Variants in RBM19 observed in about 807,000 individuals in gnomAD.
The protein encoded by RBM19 is probable RNA-binding protein 19.
Under a neutral mutation model 116.8 loss-of-function variants are expected in RBM19, and 94 were observed. The observed-to-expected ratio is 0.80, with a 90% CI of 0.68 to 0.95. The LOEUF (loss-of-function observed/expected upper bound fraction) is 0.95, where lower values mean the gene tolerates loss of function less well. Among genes scored for constraint, RBM19 ranks in the 40% least tolerant of loss-of-function variants. RBM19 has a pLI of 0.00. For synonymous variants in RBM19, 475 were observed against 494.1 expected, an observed-to-expected ratio of 0.96 and a Z score of 0.51; for missense variants, 1,161 against 1,220.7, an observed-to-expected ratio of 0.95 and a Z score of 0.73.
At chr12:113,925,471 G>A (rs1868983779) in intron 17 of RBM19, among the ~76,000 whole-genome samples, 1 of 152,194 alleles carries the variant, frequency 6.6e-6, no homozygotes, top group African/African-American at 2.4e-5. Flanking sequence ...TGTTACAGAT[G>A]AAGAAACTGA....
chr12:113,884,704 A>T (rs1270247909), intron 21 of RBM19, among the ~76,000 whole-genome samples: 1 of 152,222 alleles, frequency 6.6e-6, no homozygotes. Flanking sequence ...GGCACTGAGA[A>T]AGTACAAGAT....
At chr12:113,857,726 T>A (rs1271063170) in intron 22 of RBM19, among the ~76,000 whole-genome samples, 1 of 152,242 alleles carries the variant, frequency 6.6e-6, no homozygotes, top group Non-Finnish European at 1.5e-5. Flanking sequence ...AGGGTCCCCA[T>A]GCGCCTTCTC....
chr12:113,870,110 G>A (rs1565986947), intron 21 of RBM19, among the ~76,000 whole-genome samples: 1 of 152,190 alleles, frequency 6.6e-6, no homozygotes, highest in Non-Finnish European at 1.5e-5. Flanking sequence ...TGAGGCAGGA[G>A]GAGAAGATGG....
At chr12:113,891,542 G>A (rs1593541332) in intron 21 of RBM19, among the ~76,000 whole-genome samples, 1 of 152,200 alleles carries the variant, frequency 6.6e-6, no homozygotes, top group Admixed American at 6.5e-5. Flanking sequence ...GAATCGTCCA[G>A]GTGGACAGGG....
intron 18 of RBM19, among the ~76,000 whole-genome samples, chr12:113,924,433 A>G (rs1868871574): frequency 6.6e-6 from 1 of 152,166 alleles, no homozygotes; most frequent in South Asian, 2.1e-4. Flanking sequence ...CTCTGAAACC[A>G]CCCCTGACAG....
chr12:113,957,965 C>T lies in RBM19; in HGVS notation c.657G>A (p.Gly219=). Residue 219 remains glycine (G), a synonymous_variant, in exon 6 of 24, where the codon GGG becomes GGA. Coordinates refer to ENST00000261741, the MANE Select transcript of RBM19 (RefSeq NM_016196.4). ...CCTCTTCCTCCGAGGAAGAGGACGA[C>T]CCAGCCTTCACCATCTTGGATTTCA... ...DYLKSKMVKA[G]SSSSSEEEES... 6.2e-7 allele frequency: 1 copy of T among 1,614,160 alleles called. No homozygotes were observed.
chr12:113,904,789 G>T (rs566922652), intron 21 of RBM19, among the ~76,000 whole-genome samples: 1 of 152,352 alleles, frequency 6.6e-6, no homozygotes, highest in African/African-American at 2.4e-5. Context: ...GGATGTGTGT[G>T]TGTGGAGCGG....
intron 16 of RBM19, among the ~76,000 whole-genome samples, chr12:113,927,853 T>C (rs1869244261): frequency 6.6e-6 from 1 of 152,170 alleles, no homozygotes. Context: ...AAATACTCTA[T>C]GTTCACAAAC....
intron 16 of RBM19, among the ~76,000 whole-genome samples, chr12:113,928,521 G>A (rs913307933): frequency 8.6e-5 from 13 of 150,738 alleles, no homozygotes; most frequent in Admixed American, 4.0e-4. Flanking sequence ...AGGGATGGTC[G>A]TCATTTCAAC....
intron 23 of RBM19, 138 bp downstream of exon 23, chr12:113,844,530 G>T (rs929095286): frequency 8.2e-6 from 10 of 1,221,720 alleles, no homozygotes; most frequent in African/African-American, 7.8e-5. Flanking sequence ...GCTGTGGGAG[G>T]ATGCCCAGCA....
chr12:113,857,779 T>C (rs1035594753), intron 22 of RBM19, among the ~76,000 whole-genome samples: 4 of 152,256 alleles, frequency 2.6e-5, no homozygotes, highest in African/African-American at 9.6e-5. Flanking sequence ...CACAGCTGTG[T>C]CCTGGAGCTG....
At chr12:113,905,460 A>AT (rs1881978731) in intron 21 of RBM19, among the ~76,000 whole-genome samples, 1 of 152,208 alleles carries the variant, frequency 6.6e-6, no homozygotes, top group African/African-American at 2.4e-5. Context: ...TGCCAGATGG[A>AT]TTGCATACCT....
chr12:113,829,088 T>G (rs1875141899), intron 23 of RBM19, among the ~76,000 whole-genome samples: 1 of 152,026 alleles, frequency 6.6e-6, no homozygotes, highest in Non-Finnish European at 1.5e-5. Context: ...ACCTCTGCTT[T>G]CCGGGTTTGA....
intron 21 of RBM19, among the ~76,000 whole-genome samples, chr12:113,865,635 T>C (rs1348691716): frequency 1.3e-5 from 2 of 152,334 alleles, no homozygotes; most frequent in East Asian, 3.9e-4. Context: ...CATTATCTCA[T>C]ATAACTGTAT....
rs773815003 is a variant in RBM19 at position 113,844,778 on chromosome 12, T to C, written c.2675A>G (p.Asn892Ser). The C allele has an allele frequency of 1.2e-6, 2 of 1,612,476 alleles. No homozygotes were observed. Among genetic ancestry groups the C allele is most frequent in the Admixed American group, 1.7e-5 (1 of 59,874 alleles). ...CAAGTGGGTGCTGTGACACAGGGCG[T>C]TGAAGGCTCTCTGCAGAGGGACAAG... ...LTKQDAKRAF[N>S]ALCHSTHLYG... The change falls in exon 23 of 24, where the codon AAC becomes AGC. Residue 892 changes from asparagine to serine, a missense_variant. Asn to Ser is a conservative substitution (Grantham distance 46). Transcript: ENST00000261741.
intron 22 of RBM19, among the ~76,000 whole-genome samples, chr12:113,847,683 A>C (rs916668045): frequency 6.6e-6 from 1 of 152,120 alleles, no homozygotes; most frequent in Non-Finnish European, 1.5e-5. Context: ...CAAGAACGGA[A>C]TAAGATCCCA....
chr12:113,877,632 T>A (rs1420854064), intron 21 of RBM19, among the ~76,000 whole-genome samples: 7 of 152,286 alleles, frequency 4.6e-5, no homozygotes, highest in African/African-American at 1.7e-4. Flanking sequence ...AAGGAAGTGC[T>A]GAAGGGAAGA....
rs1191365636 is a variant in RBM19 at position 113,959,371 on chromosome 12, A to G, written c.412T>C (p.Ser138Pro). The G allele has an allele frequency of 1.2e-6, 2 of 1,611,234 alleles. No homozygotes were observed. The highest frequency in any genetic ancestry group is 1.7e-6 in the Non-Finnish European group (2 of 1,177,530). Residue 138 changes from serine to proline, a missense_variant, in exon 5 of 24, where the codon TCA becomes CCA. By Grantham distance (74) the Ser-to-Pro change is moderately conservative. Transcript: ENST00000261741. ...GCCTGCGCCCGCCTCTGATGAACTG[A>G]CAGAAACTCCTGGAACTCTGTATCC... is the stretch of plus-strand genomic sequence containing the variant. ...KEDTEFQEFL[S>P]VHQRRAQAAT...
At chr12:113,861,665 G>A (rs374293552) in intron 21 of RBM19, among the ~76,000 whole-genome samples, 2 of 152,264 alleles carry the variant, frequency 1.3e-5, no homozygotes. Flanking sequence ...AAGCAGCTAA[G>A]GGTCCGGAGA....
Sources: gnomAD v4.1 joint callset for allele counts (sites outside exome capture counted in the v4.1 genomes callset) on GRCh38, gnomAD v4.1.1 for gene constraint, MANE v1.5 for transcripts, NCBI Gene and HGNC (gene_info 2026-07-23, HGNC 2026-07-21) for gene names.